PCDH15: variants seen among roughly 807,000 people sequenced by gnomAD.
PCDH15 encodes the protein protocadherin related 15, also known as protocadherin-15.
Under a neutral mutation model 178.5 loss-of-function variants are expected in PCDH15, and 129 were observed. That is an observed-to-expected ratio of 0.72 (90% CI 0.63 to 0.84). The LOEUF (loss-of-function observed/expected upper bound fraction) is 0.84, where lower values mean the gene tolerates loss of function less well. Among genes scored for constraint, PCDH15 ranks in the 40% least tolerant of loss-of-function variants. PCDH15 has a pLI of 0.00. For missense variants in PCDH15, 2,230 were observed against 2,099.9 expected (o/e 1.06, Z -1.21); for synonymous variants, 800 against 732.0 (o/e 1.09, Z -1.50).
intron 18 of PCDH15, among the ~76,000 whole-genome samples, chr10:54,062,687 G>C (rs1444620655): frequency 1.3e-5 from 2 of 151,808 alleles, no homozygotes; most frequent in Non-Finnish European, 1.5e-5. Flanking sequence ...AATTATAGAG[G>C]CCATTTCTTA....
At chr10:54,395,237 A>C (rs2135391662) in intron 3 of PCDH15, among the ~76,000 whole-genome samples, 1 of 152,292 alleles carries the variant, frequency 6.6e-6, no homozygotes, top group East Asian at 1.9e-4. Context: ...GACAGGCATA[A>C]GAAATTATAA....
At chr10:54,489,847 T>C (rs557951072) in intron 3 of PCDH15, among the ~76,000 whole-genome samples, 41 of 152,102 alleles carry the variant, frequency 2.7e-4, no homozygotes, top group African/African-American at 9.9e-4. Flanking sequence ...GGTTAAGATT[T>C]GCTTGCTTGC....
intron 2 of PCDH15, among the ~76,000 whole-genome samples, chr10:55,077,316 TTGTC>T (rs1283736139): frequency 6.6e-6 from 1 of 152,140 alleles, no homozygotes; most frequent in Non-Finnish European, 1.5e-5. Context: ...CACAGTGTAT[TTGTC>T]TGGTTGTTTT....
chr10:54,077,811 C>A (rs2135934088), intron 17 of PCDH15, among the ~76,000 whole-genome samples: 1 of 152,258 alleles, frequency 6.6e-6, no homozygotes, highest in East Asian at 1.9e-4. Flanking sequence ...GCCTGTAACC[C>A]CAGCACTTTG....
intron 5 of PCDH15, among the ~76,000 whole-genome samples, chr10:54,355,120 CAAAAAAAAAA>C (rs770404490): frequency 8.6e-4 from 60 of 69,832 alleles, no homozygotes; most frequent in Admixed American, 1.1e-3. Context: ...AGGAGGATTG[CAAAAAAAAAA>C]AAAAAAAAAA....
chr10:53,923,640 C>T (rs533871365), intron 25 of PCDH15, among the ~76,000 whole-genome samples: 1 of 152,100 alleles, frequency 6.6e-6, no homozygotes, highest in African/African-American at 2.4e-5. Flanking sequence ...CATACAAGCC[C>T]TTTATTATTT....
At chr10:55,356,699 T>G (rs868211450) in intron 2 of PCDH15, among the ~76,000 whole-genome samples, 2 of 152,036 alleles carry the variant, frequency 1.3e-5, no homozygotes, top group Middle Eastern at 6.8e-3. Context: ...ATACTTTTCA[T>G]TTATTAACCA....
intron 3 of PCDH15, among the ~76,000 whole-genome samples, chr10:54,867,534 T>C (rs1345876176): frequency 2.0e-5 from 3 of 152,162 alleles, no homozygotes; most frequent in Non-Finnish European, 4.4e-5. Context: ...ACATTGCACA[T>C]ATATACATAG....
intron 2 of PCDH15, among the ~76,000 whole-genome samples, chr10:55,124,156 C>T (rs1837841946): frequency 6.6e-6 from 1 of 152,062 alleles, no homozygotes; most frequent in Non-Finnish European, 1.5e-5. Flanking sequence ...CATAGACAAC[C>T]ATTTAGAAAC....
rs35951831 is a variant in PCDH15 at position 54,503,225 on chromosome 10, ATGTGTGTGTG to A, written c.157+24577_157+24586del. ...AATCCCAGGCCAAATATACATATAT[ATGTGTGTGTG>A]TGTGTGTGTGTGTGTGTGTGTGTGT... On this transcript the variant is annotated intron_variant, in intron 3 of 37. Coordinates refer to ENST00000644397, the MANE Select transcript of PCDH15 (RefSeq NM_001384140.1). 2.4e-4 allele frequency among the ~76,000 whole-genome samples: 20 copies of A among 83,778 alleles called. No homozygotes were observed. In the East Asian group the frequency reaches 4.9e-3, roughly 20 times the overall value. The allele number at this position is 83,778 out of a possible 152,430, so 55.0% of individuals were successfully genotyped here.
intron 3 of PCDH15, among the ~76,000 whole-genome samples, chr10:54,498,678 A>T (rs900398551): frequency 1.3e-5 from 2 of 151,936 alleles, no homozygotes; most frequent in African/African-American, 2.4e-5. Flanking sequence ...TACAATTATT[A>T]AAAAAAAGAT....
chr10:54,669,614 A>C (rs1261572456), intron 1 of PCDH15, among the ~76,000 whole-genome samples: 1 of 149,106 alleles, frequency 6.7e-6, no homozygotes, highest in Non-Finnish European at 1.5e-5. Context: ...GAAAGTAACT[A>C]ATGTTTTTAT....
Position 53,806,637 on chromosome 10 carries a change from T to G in PCDH15, c.5165A>C (p.Asp1722Ala). ...EFHSDHTQSD[D>A]EELWMGPWNN... ...CCAGGGGCCCATCCAAAGCTCTTCA[T>G]CATCAGACTGTGTGTGGTCACTATG... is the stretch of plus-strand genomic sequence containing the variant. Residue 1722 changes from aspartate to alanine, a missense_variant, in exon 38 of 38, where the codon GAT (aspartate) becomes GCT (alanine). Asp to Ala is a moderately radical substitution (Grantham distance 126). Transcript: ENST00000644397. 2 of 1,613,790 alleles carry G rather than the reference T, an allele frequency of 1.2e-6. No homozygotes were observed. Among genetic ancestry groups the G allele is most frequent in the Admixed American group, 1.7e-5 (1 of 59,970 alleles).
chr10:54,921,929 G>A (rs1427187461), intron 2 of PCDH15, among the ~76,000 whole-genome samples: 2 of 152,182 alleles, frequency 1.3e-5, no homozygotes, highest in Non-Finnish European at 2.9e-5. Flanking sequence ...GAGCAGAAGA[G>A]AAAGGGAGTG....
At chr10:53,984,727 T>C (rs1278964351) in intron 21 of PCDH15, among the ~76,000 whole-genome samples, 5 of 152,230 alleles carry the variant, frequency 3.3e-5, no homozygotes, top group Non-Finnish European at 7.3e-5. Flanking sequence ...TTCTCTTCTT[T>C]TATTCTCATA....
At chr10:54,420,824 AT>A (rs1006825208) in intron 3 of PCDH15, among the ~76,000 whole-genome samples, 1 of 152,004 alleles carries the variant, frequency 6.6e-6, no homozygotes, top group Non-Finnish European at 1.5e-5. Context: ...GGAAATCAGT[AT>A]TTTTTTCTAA....
chr10:55,216,064 G>A (rs1311713689), intron 1 of PCDH15, among the ~76,000 whole-genome samples: 1 of 151,678 alleles, frequency 6.6e-6, no homozygotes, highest in African/African-American at 2.4e-5. Context: ...GAATTTATCT[G>A]TGCCAATTTT....
intron 1 of PCDH15, among the ~76,000 whole-genome samples, chr10:54,673,178 C>T (rs1198716408): frequency 6.6e-6 from 1 of 152,000 alleles, no homozygotes. Context: ...CCGACCAACC[C>T]GTCATCTACA....
At chr10:55,461,363 A>T (rs1480881863) in intron 2 of PCDH15, among the ~76,000 whole-genome samples, 1 of 152,198 alleles carries the variant, frequency 6.6e-6, no homozygotes, top group Admixed American at 6.5e-5. Flanking sequence ...ACACTATTTT[A>T]GCCAGGATGG....
Sources: gnomAD v4.1 joint callset for allele counts (sites outside exome capture counted in the v4.1 genomes callset) on GRCh38, gnomAD v4.1.1 for gene constraint, MANE v1.5 for transcripts, NCBI Gene and HGNC (gene_info 2026-07-23, HGNC 2026-07-21) for gene names.